The following UNC5C variants were observed in gnomAD, a reference collection of about 807,000 sequenced individuals.
UNC5C encodes unc-5 netrin receptor C.
A neutral mutation model predicts 99.8 loss-of-function variants in UNC5C; 47 were observed. The ratio of observed to expected loss-of-function variants is 0.47; its 90% CI spans 0.37 to 0.60. The LOEUF (loss-of-function observed/expected upper bound fraction) is 0.60. Ranked by LOEUF, UNC5C falls within the 20% of genes least tolerant of loss-of-function variation. The pLI, the probability that UNC5C is intolerant of heterozygous loss-of-function variation, is 0.00. For missense variants in UNC5C, 1,062 were observed against 1,165.9 expected (o/e 0.91, Z 1.30); for synonymous variants, 487 against 452.2 (o/e 1.08, Z -0.98).
intron 1 of UNC5C, among the ~76,000 whole-genome samples, chr4:95,339,876 CTT>C (rs372645483): frequency 2.8e-5 from 4 of 140,570 alleles, no homozygotes; most frequent in Non-Finnish European, 4.4e-5. Flanking sequence ...TCAGTATTAA[CTT>C]AACGCATTTT....
chr4:95,179,043 T>G (rs1460656090), intron 14 of UNC5C, among the ~76,000 whole-genome samples: 1 of 152,258 alleles, frequency 6.6e-6, no homozygotes, highest in Non-Finnish European at 1.5e-5. Flanking sequence ...AGAATGCTTA[T>G]TTCAATAATC....
At chr4:95,464,186 C>T (rs1747700138) in intron 1 of UNC5C, among the ~76,000 whole-genome samples, 2 of 152,272 alleles carry the variant, frequency 1.3e-5, no homozygotes, top group Middle Eastern at 6.8e-3. Flanking sequence ...ACTATTGATA[C>T]TGAACCACAC....
At chr4:95,443,509 C>A (rs1747010532) in intron 1 of UNC5C, among the ~76,000 whole-genome samples, 1 of 152,162 alleles carries the variant, frequency 6.6e-6, no homozygotes, top group South Asian at 2.1e-4. Context: ...TATGAACAAT[C>A]AAAGCAATTT....
At chr4:95,340,040 T>C (rs928774045) in intron 1 of UNC5C, among the ~76,000 whole-genome samples, 1 of 152,126 alleles carries the variant, frequency 6.6e-6, no homozygotes, top group African/African-American at 2.4e-5. Context: ...TTTTCTGTTA[T>C]CTCACATAGG....
intron 1 of UNC5C, among the ~76,000 whole-genome samples, chr4:95,422,754 T>C (rs1056137286): frequency 1.3e-5 from 2 of 152,194 alleles, no homozygotes; most frequent in Non-Finnish European, 2.9e-5. Context: ...GTTAATACGC[T>C]ATTCTCTTTA....
At chr4:95,236,359 C>T (rs1352248824) in intron 7 of UNC5C, among the ~76,000 whole-genome samples, 1 of 150,362 alleles carries the variant, frequency 6.7e-6, no homozygotes, top group Non-Finnish European at 1.5e-5. Context: ...CGCATGTTCT[C>T]ACTCACAGGT....
intron 7 of UNC5C, among the ~76,000 whole-genome samples, chr4:95,229,797 CTTTTTTTTTTT>C (rs71583694): frequency 3.3e-4 from 26 of 79,554 alleles, no homozygotes; most frequent in East Asian, 9.3e-4. Flanking sequence ...CTGTTGTTTC[CTTTTTTTTTTT>C]TTTTTTTTTT....
intron 1 of UNC5C, among the ~76,000 whole-genome samples, chr4:95,472,746 T>C (rs1056321403): frequency 1.2e-4 from 18 of 152,042 alleles, no homozygotes; most frequent in Non-Finnish European, 1.9e-4. Flanking sequence ...TGACAATCGT[T>C]TCAGATTCAT....
At chr4:95,541,502 T>A (rs1179395203) in intron 1 of UNC5C, among the ~76,000 whole-genome samples, 1 of 152,202 alleles carries the variant, frequency 6.6e-6, no homozygotes, top group Non-Finnish European at 1.5e-5. Context: ...TATAAGTGGA[T>A]ACTTTTATAT....
chr4:95,338,092 A>T (rs1228968177), intron 1 of UNC5C, among the ~76,000 whole-genome samples: 1 of 152,058 alleles, frequency 6.6e-6, no homozygotes, highest in African/African-American at 2.4e-5. Context: ...GACAGATATG[A>T]TAAAATGCAA....
At position 95,301,589 on chromosome 4, in the gene UNC5C, A is replaced by G; in HGVS notation, c.490+17T>C. 6.2e-7 allele frequency: 1 copy of G among 1,613,812 alleles called. No individual in the cohort carries two copies. ...TCAACTTCTGAGACCCAAGGTGCTTATTGTACAATGACTCACATGCAATGC... is the reference window on the plus strand; with the variant it reads ...TCAACTTCTGAGACCCAAGGTGCTTGTTGTACAATGACTCACATGCAATGC... On this transcript the variant is annotated intron_variant, in intron 3 of 15. Coordinates refer to ENST00000453304, the MANE Select transcript of UNC5C (RefSeq NM_003728.4).
chr4:95,204,554 T>C (rs1579229057), intron 11 of UNC5C, among the ~76,000 whole-genome samples: 1 of 152,338 alleles, frequency 6.6e-6, no homozygotes, highest in Non-Finnish European at 1.5e-5. Context: ...AGGCTGGAAG[T>C]TCAGATTTTA....
intron 7 of UNC5C, among the ~76,000 whole-genome samples, chr4:95,225,670 C>T (rs1738657272): frequency 6.6e-6 from 1 of 151,994 alleles, no homozygotes; most frequent in Non-Finnish European, 1.5e-5. Flanking sequence ...TACAAAGTCT[C>T]ACTTACTTTA....
Position 95,163,916 on chromosome 4 carries a change from T to A in UNC5C, c.*5318A>T, listed in dbSNP as rs1306179280. On this transcript the variant is annotated 3_prime_UTR_variant, in exon 16 of 16. Coordinates refer to ENST00000453304, the MANE Select transcript of UNC5C (RefSeq NM_003728.4). ...ATAATTGGTGGGCTTGCTGTGCCAG[T>A]ACACTTGCGGAGTACCTGTTGGTTT... is the stretch of plus-strand genomic sequence containing the variant. 6.6e-6 allele frequency: 1 copy of A among 152,246 alleles called. No homozygotes were observed. Among genetic ancestry groups the A allele is most frequent in the Non-Finnish European group, 1.5e-5 (1 of 68,084 alleles). The allele number at this position is 152,246 out of a possible 1,614,324, so 9.4% of individuals were successfully genotyped here.
At chr4:95,313,201 T>C (rs1043770627) in intron 2 of UNC5C, among the ~76,000 whole-genome samples, 2 of 152,122 alleles carry the variant, frequency 1.3e-5, no homozygotes, top group Admixed American at 6.6e-5. Context: ...TAGTTTACAT[T>C]CATTGAGTAA....
intron 1 of UNC5C, among the ~76,000 whole-genome samples, chr4:95,543,245 C>A (rs1046673063): frequency 1.3e-5 from 2 of 152,020 alleles, no homozygotes; most frequent in South Asian, 2.1e-4. Flanking sequence ...ATAATAGAAG[C>A]AGAATGACAA....
At chr4:95,465,106 G>T (rs1038447649) in intron 1 of UNC5C, among the ~76,000 whole-genome samples, 2 of 152,150 alleles carry the variant, frequency 1.3e-5, no homozygotes, top group East Asian at 1.9e-4. Context: ...TCACTAAGGC[G>T]CATCGTTCCA....
intron 2 of UNC5C, among the ~76,000 whole-genome samples, chr4:95,305,423 T>A (rs1742026232): frequency 6.6e-6 from 1 of 152,154 alleles, no homozygotes; most frequent in South Asian, 2.1e-4. Context: ...TAATTTCAAA[T>A]CTGCTTGAAG....
intron 1 of UNC5C, among the ~76,000 whole-genome samples, chr4:95,350,267 C>T (rs1266557754): frequency 6.6e-6 from 1 of 151,974 alleles, no homozygotes; most frequent in Non-Finnish European, 1.5e-5. Flanking sequence ...GTGGGCAGAT[C>T]ATGAAGTCAA....
Sources: gnomAD v4.1 joint callset for allele counts (sites outside exome capture counted in the v4.1 genomes callset) on GRCh38, gnomAD v4.1.1 for gene constraint, MANE v1.5 for transcripts, NCBI Gene and HGNC (gene_info 2026-07-23, HGNC 2026-07-21) for gene names.